Variants in KDM6A observed in about 807,000 individuals in gnomAD.
The protein encoded by KDM6A is lysine-specific demethylase 6A.
In KDM6A, 11 loss-of-function variants were observed where a neutral mutation model predicts 117.6. That is an observed-to-expected ratio of 0.09 (90% CI 0.06 to 0.15). The LOEUF (loss-of-function observed/expected upper bound fraction) is 0.15, where lower values mean the gene tolerates loss of function less well. Among genes scored for constraint, KDM6A ranks in the 10% least tolerant of loss-of-function variants. The probability of loss-of-function intolerance (pLI) is 1.00; values close to 1 mark genes in which losing one functional copy is unlikely to be tolerated. For missense variants in KDM6A, 799 were observed against 1,077.3 expected (o/e 0.74, Z 3.62); for synonymous variants, 384 against 396.1 (o/e 0.97, Z 0.36).
At chrX:45,110,538 C>T (rs1170924857) in intron 29 of KDM6A, among the ~76,000 whole-genome samples, 3 of 111,243 alleles carry the variant, frequency 2.7e-5, no homozygotes, top group African/African-American at 9.8e-5. Flanking sequence ...CTATCATATC[C>T]TTTATGTCAT....
chrX:44,905,696 G>A (rs371626750), intron 2 of KDM6A, among the ~76,000 whole-genome samples: 3 of 112,043 alleles, frequency 2.7e-5, no homozygotes, highest in African/African-American at 9.7e-5. Flanking sequence ...TGGCTACATA[G>A]TAAGGTTTGT....
chrX:45,076,971 T>C (rs2045153753), intron 19 of KDM6A, 145 bp downstream of exon 19: 2 of 478,199 alleles, frequency 4.2e-6, no homozygotes, highest in African/African-American at 2.4e-5. Context: ...GGGGGGAAGA[T>C]ATATTCAAGA....
intron 3 of KDM6A, among the ~76,000 whole-genome samples, chrX:44,968,349 A>G (rs993264118): frequency 8.9e-6 from 1 of 112,645 alleles, no homozygotes; most frequent in Non-Finnish European, 1.9e-5. Flanking sequence ...GAAGTGGGAT[A>G]TGAGTGCTTC....
chrX:44,911,631 T>C (rs1370489098), intron 2 of KDM6A, among the ~76,000 whole-genome samples: 3 of 112,051 alleles, frequency 2.7e-5, no homozygotes, highest in Non-Finnish European at 5.7e-5. Context: ...GGGTGGCGGC[T>C]GGGCAGAGGC....
intron 4 of KDM6A, among the ~76,000 whole-genome samples, chrX:44,986,115 A>C (rs1230079691): frequency 9.0e-6 from 1 of 111,345 alleles, no homozygotes; most frequent in Non-Finnish European, 1.9e-5. Context: ...CAGAGATTCA[A>C]CTTCTTCCTG....
At chrX:45,097,330 A>AT (rs921102400) in intron 27 of KDM6A, among the ~76,000 whole-genome samples, 3 of 111,064 alleles carry the variant, frequency 2.7e-5, no homozygotes, top group Non-Finnish European at 5.7e-5. Flanking sequence ...AACAGACCAC[A>AT]TGTACCCCTG....
chrX:45,014,928 A>C (rs2041899924), intron 5 of KDM6A, among the ~76,000 whole-genome samples: 2 of 111,773 alleles, frequency 1.8e-5, no homozygotes, highest in African/African-American at 6.5e-5. Context: ...GATTTTGGAA[A>C]TTAAGCCCCC....
chrX:45,106,723 T>G (rs2046541241), intron 27 of KDM6A: 1 of 310,305 alleles, frequency 3.2e-6, no homozygotes, highest in Non-Finnish European at 6.4e-6. Context: ...TGTGAGAATT[T>G]ACTATGTTGT....
At chrX:44,984,680 G>A (rs1258336359) in intron 4 of KDM6A, among the ~76,000 whole-genome samples, 40 of 111,306 alleles carry the variant, frequency 3.6e-4, no homozygotes, top group South Asian at 1.1e-3. Context: ...TCCTTTCCCC[G>A]TTGCTTGTTT....
At chrX:44,952,991 A>T (rs1043622151) in intron 2 of KDM6A, among the ~76,000 whole-genome samples, 2 of 110,539 alleles carry the variant, frequency 1.8e-5, no homozygotes, top group Non-Finnish European at 3.8e-5. Context: ...TATGTTGCCC[A>T]GGCTGGTCTC....
Position 44,873,603 on chromosome X carries a change from T to G in KDM6A, c.52T>G (p.Phe18Val). The change falls in exon 1 of 30, where the codon TTC (phenylalanine) becomes GTC (valine). Residue 18 changes from phenylalanine to valine, a missense_variant. Around this residue, in one of 8 missense-constraint regions of KDM6A, gnomAD observed 89 missense variants for 117.8 expected, o/e 0.76. Transcript: ENST00000611820. ...TACCGCCGCCGCTGCCGCCGCCGCT[T>G]TCGGTGATGAGGAAAAGAAAATGGC... ...LATAAAAAAAFGDEEKKMAAG... is the reference protein window; with the variant it reads ...LATAAAAAAAVGDEEKKMAAG... 1 of 1,205,674 alleles carries G rather than the reference T, an allele frequency of 8.3e-7. No homozygotes were observed.
At chrX:44,950,380 T>C (rs1395136901) in intron 2 of KDM6A, among the ~76,000 whole-genome samples, 1 of 112,003 alleles carries the variant, frequency 8.9e-6, no homozygotes, top group East Asian at 2.8e-4. Context: ...TCTCTCATAC[T>C]GTCCTTGGCC....
chrX:44,948,988 A>G (rs961430358), intron 2 of KDM6A, among the ~76,000 whole-genome samples: 4 of 112,581 alleles, frequency 3.6e-5, no homozygotes, highest in Admixed American at 9.4e-5. Flanking sequence ...GAAACAAATT[A>G]TAGTTTAACT....
intron 2 of KDM6A, among the ~76,000 whole-genome samples, chrX:44,918,731 A>G (rs2035713925): frequency 8.9e-6 from 1 of 111,823 alleles, no homozygotes; most frequent in Admixed American, 9.5e-5. Flanking sequence ...ATAAACTAGA[A>G]TAATTTGTAA....
At chrX:44,995,210 C>A (rs1230599959) in intron 4 of KDM6A, among the ~76,000 whole-genome samples, 1 of 110,901 alleles carries the variant, frequency 9.0e-6, no homozygotes, top group South Asian at 3.8e-4. Flanking sequence ...AATTTGTTTC[C>A]TAAGTCTCAG....
intron 6 of KDM6A, among the ~76,000 whole-genome samples, chrX:45,033,452 G>A (rs2042682978): frequency 1.8e-5 from 2 of 111,701 alleles, no homozygotes; most frequent in African/African-American, 3.3e-5. Context: ...ATTGTCCTTA[G>A]GGCATTATAG....
chrX:44,909,742 A>G (rs1350740509), intron 2 of KDM6A, among the ~76,000 whole-genome samples: 1 of 112,149 alleles, frequency 8.9e-6, no homozygotes, highest in African/African-American at 3.2e-5. Context: ...TGCTAGTCTA[A>G]TAAAGATGGC....
chrX:45,049,366 G>C (rs2043732597), intron 8 of KDM6A, among the ~76,000 whole-genome samples: 1 of 111,463 alleles, frequency 9.0e-6, no homozygotes, highest in Non-Finnish European at 1.9e-5. Context: ...CTTATGATTT[G>C]TGTTTTTTTG....
rs112389392 is a variant in KDM6A, at chrX:45,064,062, A to C, written c.2079+245A>C. On this transcript the variant is annotated intron_variant, in intron 17 of 29. Transcript: ENST00000611820. ...ACAAAGGAAGAAAATAGATCATATA[A>C]ATCACCCAAAATGCACCATTAATTT... Among the ~76,000 whole-genome samples the C allele has an allele frequency of 8.5e-3, 958 of 112,194 alleles. 11 individuals are homozygous for C. The highest frequency in any genetic ancestry group is 0.03 in the African/African-American group (919 of 30,846).
Sources: allele counts gnomAD v4.1 joint callset (sites outside exome capture counted in the v4.1 genomes callset), GRCh38; gene constraint gnomAD v4.1.1; regional missense constraint gnomAD v4.1.1; transcripts MANE v1.5; gene names NCBI Gene and HGNC (gene_info 2026-07-23, HGNC 2026-07-21).